Variants in NUMA1 observed in about 807,000 individuals in gnomAD.
The protein encoded by NUMA1 is SP-H antigen.
Under a neutral mutation model 237.1 loss-of-function variants are expected in NUMA1, and 62 were observed. The observed-to-expected ratio is 0.26, with a 90% CI of 0.21 to 0.32. NUMA1 has a LOEUF of 0.32. NUMA1 is among the 10% of genes least tolerant of loss of function. The pLI is 1.00. For synonymous variants in NUMA1, 1,028 were observed against 1,066.1 expected, an observed-to-expected ratio of 0.96 and a Z score of 0.70; for missense variants, 2,533 against 2,666.5, an observed-to-expected ratio of 0.95 and a Z score of 1.10.
chr11:72,027,225 C>G (rs937671242), intron 4 of NUMA1, among the ~76,000 whole-genome samples: 8 of 152,182 alleles, frequency 5.3e-5, no homozygotes, highest in Non-Finnish European at 1.0e-4. Context: ...GCATATTATA[C>G]CTGGCTGCTT....
rs1955517616 is a variant in NUMA1 at position 72,004,319 on chromosome 11, A to G, written c.6029T>C (p.Phe2010Ser). ...GTCTCGGGGAGTCATGGGGCGTGGG[A>G]AACAGCTGGTGGCCTTCTTAGACTA... ...TPESKKATSC[F>S]PRPMTPRDRH... is the part of the protein sequence containing the mutation. Residue 2010 changes from phenylalanine to serine, a missense_variant, in exon 25 of 27, where the codon TTC becomes TCC. Physicochemically the swap from Phe to Ser is radical, Grantham distance 155. Transcript: ENST00000393695. 6.2e-7 allele frequency: 1 copy of G among 1,613,040 alleles called. No individual in the cohort carries two copies.
At chr11:72,028,882 C>G (rs1257719205) in intron 4 of NUMA1, among the ~76,000 whole-genome samples, 5 of 152,152 alleles carry the variant, frequency 3.3e-5, no homozygotes, top group Admixed American at 6.5e-5. Flanking sequence ...GTTGTAGAAG[C>G]CTTCTGGTGA....
intron 2 of NUMA1, among the ~76,000 whole-genome samples, chr11:72,063,608 C>CAAAAAAAAAAAAA (rs71052848): frequency 1.6e-5 from 1 of 61,110 alleles, no homozygotes; most frequent in African/African-American, 5.6e-5. Flanking sequence ...TACCAAAACT[C>CAAAAAAAAAAAAA]AAAAAAAAAA....
chr11:72,019,392 G>T, intron 9 of NUMA1, 102 bp downstream of exon 9: 1 of 1,455,144 alleles, frequency 6.9e-7, no homozygotes, highest in Non-Finnish European at 9.4e-7. Flanking sequence ...GATACTCTAA[G>T]CACTCCCAGA....
chr11:72,064,457 G>T (rs1943110920), intron 2 of NUMA1, among the ~76,000 whole-genome samples: 1 of 151,904 alleles, frequency 6.6e-6, no homozygotes, highest in African/African-American at 2.4e-5. Context: ...GACAGAGCAA[G>T]GCCCCGTCTC....
At chr11:72,025,645 G>A (rs967791296) in intron 4 of NUMA1, among the ~76,000 whole-genome samples, 1 of 152,166 alleles carries the variant, frequency 6.6e-6, no homozygotes, top group Non-Finnish European at 1.5e-5. Context: ...CTAGTTCTTA[G>A]CCAACTTTCT....
In NUMA1 at chr11:72,016,525, G is replaced by A; in HGVS notation, c.1125C>T (p.Cys375=). The change falls in exon 14 of 27, where the codon TGC becomes TGT. Residue 375 remains cysteine, a synonymous_variant. Coordinates refer to ENST00000393695, the MANE Select transcript of NUMA1 (RefSeq NM_006185.4). Reference sequence around the variant, plus strand: ...GAAGGATTTCGTTCTTCTCTTCAAGGCATTTCTGGGAGTAAATGAGACCCA... The same window carrying A: ...GAAGGATTTCGTTCTTCTCTTCAAGACATTTCTGGGAGTAAATGAGACCCA... ...ELSAALQDKK[C]LEEKNEILQG... is the part of the protein sequence containing the mutation. 6.2e-7 allele frequency: 1 copy of A among 1,613,810 alleles called. No homozygotes were observed. The highest frequency in any genetic ancestry group is 1.1e-5 in the South Asian group (1 of 91,060).
In NUMA1 at chr11:72,014,727, C is replaced by A; in HGVS notation, c.2776G>T (p.Ala926Ser). Residue 926 changes from alanine to serine, a missense_variant, in exon 15 of 27, where the codon GCA (alanine) becomes TCA (serine). Around this residue, in one of 3 missense-constraint regions of NUMA1, gnomAD observed 1,414 missense variants for 1,508.1 expected, o/e 0.94. Transcript: ENST00000393695. The surrounding 1 kb of genome is among the most constrained non-coding windows in gnomAD (Gnocchi z 4.6). The stretch of plus-strand genomic sequence containing the variant: ...GAGGCTGTTTCCTGCTGCTCACCTG[C>A]CTTGCGCACCAAGGTCTCCAAGCGG... ...VARLETLVRK[A>S]GEQQETASRE... 1 of 1,614,108 alleles carries A rather than the reference C, an allele frequency of 6.2e-7. No individual in the cohort carries two copies. Among genetic ancestry groups the A allele is most frequent in the Non-Finnish European group, 8.5e-7 (1 of 1,180,044 alleles).
chr11:72,025,489 G>A (rs1939462362), intron 4 of NUMA1, among the ~76,000 whole-genome samples: 1 of 152,102 alleles, frequency 6.6e-6, no homozygotes, highest in East Asian at 1.9e-4. Context: ...ACCTAGTGGG[G>A]GAACTTCGCT....
chr11:72,037,185 C>T (rs1004148793), intron 2 of NUMA1, among the ~76,000 whole-genome samples: 3 of 152,186 alleles, frequency 2.0e-5, no homozygotes, highest in African/African-American at 4.8e-5. Context: ...TATCAGCCAA[C>T]CGAAAGGTAT....
chr11:72,037,689 A>G (rs1218429537), intron 2 of NUMA1, among the ~76,000 whole-genome samples: 2 of 152,206 alleles, frequency 1.3e-5, no homozygotes, highest in African/African-American at 4.8e-5. Flanking sequence ...AATTACAATT[A>G]AGTGCTTCCT....
intron 1 of NUMA1, among the ~76,000 whole-genome samples, chr11:72,072,045 A>T (rs965801760): frequency 1.6e-4 from 25 of 152,098 alleles, no homozygotes; most frequent in African/African-American, 5.6e-4. Context: ...GCAGCTCATG[A>T]GGGGTATAGT....
In NUMA1 at chr11:72,025,742, T is replaced by TCC. The variant is rs1377379686; in HGVS notation, c.129-1391_129-1390dup. On this transcript the variant is annotated intron_variant, in intron 4 of 26. Transcript: ENST00000393695. ...TCCAAGCCAAGACTATGAGTGTACC[T>TCC]CCCCCCATACCCCATGTGATTACAC... is the stretch of plus-strand genomic sequence containing the variant. Among the ~76,000 whole-genome samples the TCC allele has an allele frequency of 3.9e-5, 6 of 152,064 alleles. No homozygotes were observed. The East Asian group carries it at 1.2e-3, about 29-fold the overall frequency.
In NUMA1 at chr11:72,016,194, C is replaced by A; in HGVS notation, c.1309G>T (p.Glu437Ter). 1 of 1,611,268 alleles carries A rather than the reference C, an allele frequency of 6.2e-7. No individual in the cohort carries two copies. The highest frequency in any genetic ancestry group is 8.5e-7 in the Non-Finnish European group (1 of 1,177,886). Residue 437 changes from glutamate (E) to a stop codon, truncating the protein, a stop_gained, in exon 15 of 27, where the codon GAG (glutamate) becomes TAG (stop). Coordinates refer to ENST00000393695, the MANE Select transcript of NUMA1 (RefSeq NM_006185.4). LOFTEE classifies it high-confidence loss of function. Reference protein sequence around the residue: ...ANNTQLQARVEMLETERGQQE... With the variant: ...ANNTQLQARV ...TGGCCTCGCTCAGTCTCCAGCATCT[C>A]TACCCTGGCTTGGAGCTGTGTGTTG...
At chr11:72,004,168 T>C in intron 25 of NUMA1, 57 bp downstream of exon 25, 1 of 1,607,042 alleles carries the variant, frequency 6.2e-7, no homozygotes, top group Non-Finnish European at 8.5e-7. Context: ...TGTGCCACGC[T>C]CTATCAGCAA....
At chr11:72,056,860 G>A (rs1436423930) in intron 2 of NUMA1, among the ~76,000 whole-genome samples, 2 of 151,894 alleles carry the variant, frequency 1.3e-5, no homozygotes, top group Non-Finnish European at 2.9e-5. Context: ...AATCTGACAG[G>A]ACTGGAAGTA....
chr11:72,079,749 TAAAA>T (rs72522058), intron 1 of NUMA1, among the ~76,000 whole-genome samples: 33 of 144,632 alleles, frequency 2.3e-4, no homozygotes, highest in Admixed American at 3.4e-4. Flanking sequence ...AAACAAAAAT[TAAAA>T]AAAAAAAAAA....
intron 22 of NUMA1, 85 bp from the exon 23 acceptor site, chr11:72,005,454 C>A: frequency 7.6e-7 from 1 of 1,310,888 alleles, no homozygotes; most frequent in South Asian, 1.3e-5. Flanking sequence ...GCCTTTGCTG[C>A]CACCTACCCC....
intron 3 of NUMA1, among the ~76,000 whole-genome samples, chr11:72,035,647 G>T (rs1054013141): frequency 2.0e-5 from 3 of 152,064 alleles, no homozygotes; most frequent in African/African-American, 7.2e-5. Context: ...CTGACCTCAG[G>T]TGATCCACCT....
Sources: allele counts gnomAD v4.1 joint callset (sites outside exome capture counted in the v4.1 genomes callset), GRCh38; gene constraint gnomAD v4.1.1; regional missense constraint gnomAD v4.1.1; non-coding constraint Gnocchi (gnomAD v3.1); transcripts MANE v1.5; gene names NCBI Gene and HGNC (gene_info 2026-07-23, HGNC 2026-07-21).